LANCL1: variants seen among roughly 807,000 people sequenced by gnomAD.
LANCL1 encodes the protein LanC like glutathione S-transferase 1, also known as glutathione S-transferase LANCL1.
In LANCL1, 50 loss-of-function variants were observed where a neutral mutation model predicts 50.6. The ratio of observed to expected loss-of-function variants is 0.99; its 90% CI spans 0.79 to 1.25. LANCL1 has a LOEUF of 1.25. Ranked by LOEUF, LANCL1 falls within the 50% of genes most tolerant of loss-of-function variation. The pLI, the probability that LANCL1 is intolerant of heterozygous loss-of-function variation, is 0.00. For missense variants in LANCL1, 532 were observed against 480.7 expected, an observed-to-expected ratio of 1.11 and a Z score of -1.00; for synonymous variants, 188 against 178.6, an observed-to-expected ratio of 1.05 and a Z score of -0.42.
rs751320544 is a variant in LANCL1 at position 210,472,069 on chromosome 2, G to C, written c.89C>G (p.Pro30Arg). Residue 30 changes from proline (P) to arginine (R), a missense_variant, in exon 3 of 10, where the codon CCT (proline) becomes CGT (arginine). Physicochemically the swap from Pro to Arg is moderately radical, Grantham distance 103. Transcript: ENST00000450366. ...GYFDAAGRLTPEFSQRLTNKI... is the reference protein window; with the variant it reads ...GYFDAAGRLTREFSQRLTNKI... ...ATTGGTCAAGCGTTGTGAGAACTCA[G>C]GAGTCAGCTAGATATTAAAGGAAAA... is the stretch of plus-strand genomic sequence containing the variant. 6.2e-7 allele frequency: 1 copy of C among 1,610,908 alleles called. No individual in the cohort carries two copies. The highest frequency in any genetic ancestry group is 2.2e-5 in the East Asian group (1 of 44,868).
At chr2:210,457,853 TTCCAAATG>T (rs1275366268) in intron 3 of LANCL1, among the ~76,000 whole-genome samples, 2 of 152,192 alleles carry the variant, frequency 1.3e-5, no homozygotes, top group Non-Finnish European at 2.9e-5. Flanking sequence ...GTAAGTGGTT[TTCCAAATG>T]TATCTTGCCT....
At chr2:210,435,600 G>T in intron 8 of LANCL1, 141 bp from the exon 9 acceptor site, 2 of 680,744 alleles carry the variant, frequency 2.9e-6, no homozygotes, top group East Asian at 2.6e-5. Context: ...GCAGAGAAAA[G>T]GATGGTTTGA....
intron 4 of LANCL1, among the ~76,000 whole-genome samples, chr2:210,450,129 T>C (rs534098604): frequency 2.2e-4 from 34 of 152,304 alleles, no homozygotes; most frequent in Non-Finnish European, 3.2e-4. Context: ...AGCATGGTAC[T>C]GGTACCAAAA....
At chr2:210,467,086 G>A (rs147746024) in intron 3 of LANCL1, among the ~76,000 whole-genome samples, 1 of 152,324 alleles carries the variant, frequency 6.6e-6, no homozygotes, top group East Asian at 1.9e-4. Context: ...GCTAGAGGAT[G>A]AGGAAGATAT....
intron 3 of LANCL1, among the ~76,000 whole-genome samples, chr2:210,462,696 A>G (rs1290539237): frequency 6.6e-6 from 1 of 152,088 alleles, no homozygotes; most frequent in African/African-American, 2.4e-5. Context: ...AACACTGGAG[A>G]TTTTTTCATT....
chr2:210,470,088 C>A (rs906031719), intron 3 of LANCL1, among the ~76,000 whole-genome samples: 1 of 151,782 alleles, frequency 6.6e-6, no homozygotes, highest in Admixed American at 6.6e-5. Flanking sequence ...AAACTCAAGA[C>A]AACTGTGCGC....
At chr2:210,457,493 A>G (rs1693707305) in intron 3 of LANCL1, among the ~76,000 whole-genome samples, 1 of 152,114 alleles carries the variant, frequency 6.6e-6, no homozygotes, top group Admixed American at 6.6e-5. Flanking sequence ...TAAAAACACA[A>G]CTTCACGGGC....
At position 210,437,310 on chromosome 2, in the gene LANCL1, T is replaced by C. The variant is rs1476579987; in HGVS notation, c.873+380A>G. On this transcript the variant is annotated intron_variant, in intron 7 of 9. Coordinates refer to ENST00000450366, the MANE Select transcript of LANCL1 (RefSeq NM_006055.3). ...ATCCATTGCATTGTGATATGTTCCA[T>C]TGTATATATGACATTTTATCAATTC... is the stretch of plus-strand genomic sequence containing the variant. Among the ~76,000 whole-genome samples, 3 of 152,242 alleles carry C rather than the reference T, an allele frequency of 2.0e-5. No individual in the cohort carries two copies. In the South Asian group the frequency reaches 6.2e-4, roughly 31 times the overall value.
At chr2:210,476,082 A>G (rs1301295044) in intron 2 of LANCL1, among the ~76,000 whole-genome samples, 1 of 152,248 alleles carries the variant, frequency 6.6e-6, no homozygotes, top group African/African-American at 2.4e-5. Context: ...TTTAAAATTT[A>G]TACTATCAAT....
chr2:210,436,321 C>T lies in LANCL1; in HGVS notation c.945G>A (p.Leu315=), dbSNP rs747290565. The change falls in exon 8 of 10, where the codon CTG becomes CTA. Residue 315 remains leucine, a synonymous_variant. Coordinates refer to ENST00000450366, the MANE Select transcript of LANCL1 (RefSeq NM_006055.3). ...CADVIWQYGL[L]KKGYGLCHGS... ...CGTGGCACAGCCCATATCCCTTCTT[C>T]AGCAACCCATATTGCCAGATCACAT... The T allele has an allele frequency of 1.2e-6, 2 of 1,614,132 alleles. No homozygotes were observed. Among genetic ancestry groups the T allele is most frequent in the South Asian group, 1.1e-5 (1 of 91,084 alleles).
intron 2 of LANCL1, among the ~76,000 whole-genome samples, chr2:210,473,360 A>G (rs1367105155): frequency 1.3e-5 from 2 of 152,094 alleles, no homozygotes; most frequent in Non-Finnish European, 2.9e-5. Flanking sequence ...GGGCAACAAG[A>G]GCGAAACTCC....
At chr2:210,435,777 G>A (rs1692907202) in intron 8 of LANCL1, among the ~76,000 whole-genome samples, 1 of 151,932 alleles carries the variant, frequency 6.6e-6, no homozygotes, top group Admixed American at 6.6e-5. Context: ...TAATTGAAAG[G>A]CTTTTCAAGG....
intron 2 of LANCL1, among the ~76,000 whole-genome samples, chr2:210,474,143 C>T (rs1694293520): frequency 6.6e-6 from 1 of 152,240 alleles, no homozygotes; most frequent in Non-Finnish European, 1.5e-5. Flanking sequence ...ATCATTCAAA[C>T]TCTAGCTATA....
chr2:210,459,688 G>A (rs1317673106), intron 3 of LANCL1, among the ~76,000 whole-genome samples: 2 of 152,080 alleles, frequency 1.3e-5, no homozygotes, highest in African/African-American at 2.4e-5. Context: ...GGCACTGCCT[G>A]TCAGTTTACC....
Position 210,437,697 on chromosome 2 carries a change from GC to G in LANCL1, c.865del (p.Ala289ProfsTer20). 6.3e-7 allele frequency: 1 copy of G among 1,588,940 alleles called. No individual in the cohort carries two copies. On this transcript the variant is annotated frameshift_variant, in exon 7 of 10. Coordinates refer to ENST00000450366, the MANE Select transcript of LANCL1 (RefSeq NM_006055.3). LOFTEE classifies it high-confidence loss of function. Reference protein sequence around the residue: ...APGVIYMLIQAYKVFREEKYL... With the variant: ...APGVIYMLIQXYKVFREEKYL... ...CAAAAATACACACAGTACCTTATAG[GC>G]CTGGATGAGCATGTAGATTACCCCA...
chr2:210,474,294 T>C (rs1239158744), intron 2 of LANCL1, among the ~76,000 whole-genome samples: 3 of 152,208 alleles, frequency 2.0e-5, no homozygotes, highest in Admixed American at 1.3e-4. Context: ...GTGTTCAACA[T>C]TACACAATTT....
chr2:210,470,467 G>A (rs1015871244), intron 3 of LANCL1, among the ~76,000 whole-genome samples: 1 of 152,030 alleles, frequency 6.6e-6, no homozygotes, highest in African/African-American at 2.4e-5. Context: ...TTGAGTACCC[G>A]TTATCTGAAA....
At position 210,447,681 on chromosome 2, in the gene LANCL1, C is replaced by CA. The variant is rs565488035; in HGVS notation, c.408-6239dup. On this transcript the variant is annotated intron_variant, in intron 4 of 9. Coordinates refer to ENST00000450366, the MANE Select transcript of LANCL1 (RefSeq NM_006055.3). The stretch of plus-strand genomic sequence containing the variant: ...GCATATTGACCAAGCAAATGGAAAG[C>CA]AAAAAAAAGGCAGGGGTTGCAATCC... 6.8e-3 allele frequency among the ~76,000 whole-genome samples: 1,016 copies of CA among 150,512 alleles called. 4 individuals carry two copies. Among genetic ancestry groups the CA allele is most frequent in the Middle Eastern group, 0.014 (4 of 294 alleles).
intron 3 of LANCL1, among the ~76,000 whole-genome samples, chr2:210,466,259 A>G (rs1384919866): frequency 6.6e-6 from 1 of 152,136 alleles, no homozygotes; most frequent in Admixed American, 6.5e-5. Context: ...CAGGTCTCTA[A>G]TTCAGCCTCT....
Sources: gnomAD v4.1 joint callset for allele counts (sites outside exome capture counted in the v4.1 genomes callset) on GRCh38, gnomAD v4.1.1 for gene constraint, MANE v1.5 for transcripts, NCBI Gene and HGNC (gene_info 2026-07-23, HGNC 2026-07-21) for gene names.